The following PPP2R2B variants were observed in gnomAD, a reference collection of about 807,000 sequenced individuals.
PPP2R2B encodes serine/threonine-protein phosphatase 2A 55 kDa regulatory subunit B beta isoform.
PPP2R2B carries 5 observed loss-of-function variants against 46.0 expected under a neutral mutation model. That is an observed-to-expected ratio of 0.11 (90% CI 0.06 to 0.23). The LOEUF is 0.23. Ranked by LOEUF, PPP2R2B falls within the 10% of genes least tolerant of loss-of-function variation. The pLI is 1.00. For missense variants in PPP2R2B, 367 were observed against 575.0 expected (o/e 0.64, Z 3.70); for synonymous variants, 215 against 206.7 (o/e 1.04, Z -0.34).
intron 1 of PPP2R2B, among the ~76,000 whole-genome samples, chr5:147,001,979 C>T (rs181394290): frequency 2.0e-5 from 3 of 152,170 alleles, no homozygotes; most frequent in Admixed American, 1.3e-4. Flanking sequence ...CGGCCATGAG[C>T]GGAACTCTCA....
chr5:147,011,157 C>T (rs1754712692), intron 1 of PPP2R2B, among the ~76,000 whole-genome samples: 1 of 152,108 alleles, frequency 6.6e-6, no homozygotes, highest in South Asian at 2.1e-4. Context: ...ACACTCATGG[C>T]CTTTGATTTT....
chr5:147,054,735 A>G (rs1262965010), intron 1 of PPP2R2B: 8 of 455,898 alleles, frequency 1.8e-5, no homozygotes, highest in South Asian at 9.3e-5. Context: ...GTGGCTAGAC[A>G]TGAGTTGGAG....
intron 1 of PPP2R2B, among the ~76,000 whole-genome samples, chr5:146,896,691 T>C (rs573962431): frequency 4.6e-5 from 7 of 152,248 alleles, no homozygotes; most frequent in Admixed American, 2.6e-4. Flanking sequence ...TTTCTTCCTT[T>C]TTTTTTTCGG....
chr5:147,073,585 T>C lies in PPP2R2B; in HGVS notation c.50+7474A>G, dbSNP rs559757589. Among the ~76,000 whole-genome samples the C allele has an allele frequency of 2.6e-5, 4 of 152,304 alleles. No individual in the cohort carries two copies. In the South Asian group the frequency reaches 8.3e-4, roughly 32 times the overall value. ...CCCTTCAGTGCCCGAGGCAGAGAACTTGGCTGCACAGTATCTCACATTTAT... is the reference window on the plus strand; with the variant it reads ...CCCTTCAGTGCCCGAGGCAGAGAACCTGGCTGCACAGTATCTCACATTTAT... On this transcript the variant is annotated intron_variant, in intron 2 of 10. Coordinates refer to the PPP2R2B transcript ENST00000394413.
At chr5:146,992,218 A>G (rs897869114) in intron 1 of PPP2R2B, among the ~76,000 whole-genome samples, 1 of 152,232 alleles carries the variant, frequency 6.6e-6, no homozygotes, top group Non-Finnish European at 1.5e-5. Context: ...ATATTCATGT[A>G]TAGTCAATTG....
intron 2 of PPP2R2B, among the ~76,000 whole-genome samples, chr5:146,735,474 G>C (rs932333810): frequency 1.3e-5 from 2 of 152,148 alleles, no homozygotes; most frequent in African/African-American, 4.8e-5. Flanking sequence ...CTCAGCTTGG[G>C]CTGAGAGCAA....
chr5:147,077,066 ATATATAT>A (rs1757791368), intron 2 of PPP2R2B, among the ~76,000 whole-genome samples: 1 of 147,840 alleles, frequency 6.8e-6, no homozygotes, highest in Admixed American at 6.8e-5. Flanking sequence ...TATACAATAC[ATATATAT>A]TACATACATA....
At chr5:146,767,045 CAAAAAAAAAA>C (rs10605079) in intron 2 of PPP2R2B, among the ~76,000 whole-genome samples, 13 of 46,300 alleles carry the variant, frequency 2.8e-4, no homozygotes, top group South Asian at 1.4e-3. Context: ...AGAAGTGTCT[CAAAAAAAAAA>C]AAAAAAAAAA....
intron 5 of PPP2R2B, among the ~76,000 whole-genome samples, chr5:146,674,758 A>G (rs184174464): frequency 6.6e-6 from 1 of 152,296 alleles, no homozygotes; most frequent in Admixed American, 6.5e-5. Context: ...AGTTCTGGGA[A>G]CTTAGTTTAC....
chr5:146,858,542 A>C (rs1438865317), intron 2 of PPP2R2B, among the ~76,000 whole-genome samples: 1 of 152,184 alleles, frequency 6.6e-6, no homozygotes, highest in Non-Finnish European at 1.5e-5. Context: ...CACTGCTTAC[A>C]TAATAAAATG....
chr5:146,731,597 T>G (rs951777748), intron 2 of PPP2R2B, among the ~76,000 whole-genome samples: 1 of 152,162 alleles, frequency 6.6e-6, no homozygotes, highest in Non-Finnish European at 1.5e-5. Context: ...CAAAGCACAT[T>G]TCTGCCATCT....
At chr5:147,056,368 A>G (rs1055173515), upstream of PPP2R2B, among the ~76,000 whole-genome samples, 3 of 152,220 alleles carry the variant, frequency 2.0e-5, no homozygotes, top group African/African-American at 7.2e-5. Context: ...AGGACCATTT[A>G]TCATTTAGGT....
chr5:146,600,267 C>A, intron 8 of PPP2R2B, 24 bp downstream of exon 8: 13 of 1,610,594 alleles, frequency 8.1e-6, no homozygotes, highest in Non-Finnish European at 1.1e-5. Context: ...TTCAATATAC[C>A]TATGGGTGCC....
intron 2 of PPP2R2B, among the ~76,000 whole-genome samples, chr5:146,763,757 C>T (rs914343272): frequency 1.3e-5 from 2 of 152,190 alleles, no homozygotes; most frequent in African/African-American, 4.8e-5. Context: ...AGGTCTTGCT[C>T]TGTCTCTCAG....
chr5:146,933,274 GA>G (rs1764025873), intron 1 of PPP2R2B, among the ~76,000 whole-genome samples: 1 of 152,006 alleles, frequency 6.6e-6, no homozygotes, highest in Non-Finnish European at 1.5e-5. Context: ...GATCCTTGAG[GA>G]ATATCCTGGA....
chr5:146,943,322 C>A (rs1210203261), intron 1 of PPP2R2B, among the ~76,000 whole-genome samples: 2 of 152,124 alleles, frequency 1.3e-5, no homozygotes, highest in Non-Finnish European at 2.9e-5. Context: ...TTCATTTAAT[C>A]AAAGGCCTTG....
chr5:146,950,653 C>G (rs1764624059), intron 1 of PPP2R2B, among the ~76,000 whole-genome samples: 1 of 151,924 alleles, frequency 6.6e-6, no homozygotes, highest in African/African-American at 2.4e-5. Flanking sequence ...ACTGTTTAGG[C>G]TGTACATAGT....
intron 1 of PPP2R2B, among the ~76,000 whole-genome samples, chr5:146,970,397 TC>T (rs1225386826): frequency 6.6e-6 from 1 of 151,806 alleles, no homozygotes; most frequent in African/African-American, 2.4e-5. Flanking sequence ...GGTCAAGAGT[TC>T]GAGAATAGCC....
intron 1 of PPP2R2B, among the ~76,000 whole-genome samples, chr5:146,923,820 C>G (rs900119868): frequency 3.3e-5 from 5 of 152,164 alleles, no homozygotes. Context: ...GAAATCCACC[C>G]AAAGGCCCAT....
Sources: allele counts gnomAD v4.1 joint callset (sites outside exome capture counted in the v4.1 genomes callset), GRCh38; gene constraint gnomAD v4.1.1; transcripts MANE v1.5; gene names NCBI Gene and HGNC (gene_info 2026-07-23, HGNC 2026-07-21).